The following ASRGL1 variants were observed in gnomAD, a reference collection of about 807,000 sequenced individuals.
The protein encoded by ASRGL1 is isoaspartyl peptidase/L-asparaginase.
Under a neutral mutation model 22.4 loss-of-function variants are expected in ASRGL1, and 16 were observed. The observed-to-expected ratio is 0.71, with a 90% CI of 0.48 to 1.08. ASRGL1 has a LOEUF of 1.08. ASRGL1 is among the 50% of genes least tolerant of loss of function. The probability of loss-of-function intolerance (pLI) is 0.00; values close to 1 mark genes in which losing one functional copy is unlikely to be tolerated. For missense variants in ASRGL1, 412 were observed against 410.1 expected (o/e 1.00, Z -0.04); for synonymous variants, 165 against 159.3 (o/e 1.04, Z -0.27).
chr11:62,372,203 G>T, intron 4 of ASRGL1: 1 of 1,147,700 alleles, frequency 8.7e-7, no homozygotes, highest in Non-Finnish European at 1.3e-6. Flanking sequence ...ACTCACCGAG[G>T]GTCTCAGCCA....
chr11:62,357,668 T>C (rs1321738791), intron 4 of ASRGL1, among the ~76,000 whole-genome samples: 1 of 152,166 alleles, frequency 6.6e-6, no homozygotes, highest in Non-Finnish European at 1.5e-5. Context: ...TGTGATCTAG[T>C]GTACCTTATA....
rs114921158 is a variant in ASRGL1, at chr11:62,358,964, G to A, written c.491+1820G>A. ...AAGTATTATTTCCCTGTAGTGCTAG[G>A]TATCCATTTTCTTGCCTCTCTGCAT... On this transcript the variant is annotated intron_variant, in intron 4 of 6. Coordinates refer to ENST00000415229, the MANE Select transcript of ASRGL1 (RefSeq NM_001083926.2). Among the ~76,000 whole-genome samples, 530 of 152,248 alleles carry A rather than the reference G, an allele frequency of 3.5e-3. 4 individuals carry two copies. Among genetic ancestry groups the A allele is most frequent in the African/African-American group, 0.012 (504 of 41,546 alleles).
At chr11:62,367,710 G>A (rs112357011) in intron 4 of ASRGL1, among the ~76,000 whole-genome samples, 5 of 152,064 alleles carry the variant, frequency 3.3e-5, no homozygotes, top group East Asian at 3.9e-4. Context: ...TTGGGAGGCC[G>A]AGGTGGGTGG....
At chr11:62,355,641 A>G (rs1309543585) in intron 2 of ASRGL1, among the ~76,000 whole-genome samples, 6 of 109,206 alleles carry the variant, frequency 5.5e-5, no homozygotes, top group Admixed American at 2.1e-4. Context: ...TTTTTTTTTC[A>G]TTGATCATTC....
rs35068655 is a variant in ASRGL1 at position 62,383,913 on chromosome 11, CA to C, written c.492-5204del. Among the ~76,000 whole-genome samples, 452 of 122,208 alleles carry C rather than the reference CA, an allele frequency of 3.7e-3. 1 individual carries two copies. Among genetic ancestry groups the C allele is most frequent in the African/African-American group, 7.8e-3 (241 of 30,898 alleles). 80.2% of individuals were successfully genotyped at this position (122,208 alleles called of 152,430 possible). A position where few individuals can be genotyped will look rare whatever the true frequency, so the allele number is the denominator to read the frequency against. ...TGGGCGACAGGGCAAGAGTTGGTCT[CA>C]AAAAAAAAAAAAAAATCAGTACTCC... On this transcript the variant is annotated intron_variant, in intron 4 of 6. Transcript: ENST00000415229.
At chr11:62,342,390 A>G (rs1945887216) in intron 2 of ASRGL1, among the ~76,000 whole-genome samples, 1 of 152,230 alleles carries the variant, frequency 6.6e-6, no homozygotes, top group Non-Finnish European at 1.5e-5. Context: ...ATATTTAAGA[A>G]TGTTAGCACA....
chr11:62,362,521 T>TAAAATA lies in ASRGL1; in HGVS notation c.491+5377_491+5378insAAAATA, dbSNP rs1565161864. Among the ~76,000 whole-genome samples the TAAAATA allele has an allele frequency of 2.2e-3, 70 of 31,988 alleles. 2 individuals are homozygous for TAAAATA. Among genetic ancestry groups the TAAAATA allele is most frequent in the South Asian group, 0.011 (14 of 1,262 alleles). The allele number at this position is 31,988 out of a possible 152,430, so 21.0% of individuals were successfully genotyped here. A position where few individuals can be genotyped will look rare whatever the true frequency, so the allele number is the denominator to read the frequency against. ...ATATAAAATATATAACATATATTAT[T>TAAAATA]TATATAATATATATTATATAAAATA... On this transcript the variant is annotated intron_variant, in intron 4 of 6. Coordinates refer to ENST00000415229, the MANE Select transcript of ASRGL1 (RefSeq NM_001083926.2).
intron 4 of ASRGL1, among the ~76,000 whole-genome samples, chr11:62,388,447 A>G (rs1254287984): frequency 6.6e-6 from 1 of 152,046 alleles, no homozygotes; most frequent in Non-Finnish European, 1.5e-5. Context: ...CAGGCGTATC[A>G]CCTGAGCTCA....
At chr11:62,369,866 G>A (rs542306104) in intron 4 of ASRGL1, among the ~76,000 whole-genome samples, 3 of 152,242 alleles carry the variant, frequency 2.0e-5, no homozygotes, top group Admixed American at 6.5e-5. Flanking sequence ...AACTGGAAAC[G>A]ATGTTCTAAG....
intron 3 of ASRGL1, 40 bp downstream of exon 3, chr11:62,356,507 A>C: frequency 1.2e-6 from 2 of 1,603,058 alleles, no homozygotes; most frequent in Non-Finnish European, 1.7e-6. Flanking sequence ...ATGAATTGTT[A>C]TTGTTATACT....
chr11:62,373,790 G>A (rs771802740), intron 4 of ASRGL1, among the ~76,000 whole-genome samples: 2 of 152,244 alleles, frequency 1.3e-5, no homozygotes, highest in African/African-American at 2.4e-5. Context: ...AATCAGCTGT[G>A]TCCCCCCTGG....
At chr11:62,385,846 A>G (rs1456099144) in intron 4 of ASRGL1, among the ~76,000 whole-genome samples, 3 of 151,910 alleles carry the variant, frequency 2.0e-5, no homozygotes, top group Admixed American at 6.6e-5. Context: ...CATGGGCAAC[A>G]AGAGCAAAAC....
chr11:62,337,623 A>G (rs1945752853), intron 1 of ASRGL1, 49 bp downstream of exon 1: 1 of 182,992 alleles, frequency 5.5e-6, no homozygotes, highest in African/African-American at 2.4e-5. Context: ...CGGGAGGGCG[A>G]ATGAAATAAA....
chr11:62,362,137 C>A (rs991579434), intron 4 of ASRGL1, among the ~76,000 whole-genome samples: 1 of 151,930 alleles, frequency 6.6e-6, no homozygotes, highest in African/African-American at 2.4e-5. Flanking sequence ...GGATGCATGA[C>A]CTCCACTGTG....
intron 4 of ASRGL1, among the ~76,000 whole-genome samples, chr11:62,362,551 ACATATATTATT>A (rs1946471852): frequency 3.2e-4 from 4 of 12,504 alleles, no homozygotes; most frequent in Non-Finnish European, 3.4e-4. Context: ...AAAATATATA[ACATATATTATT>A]TATATAATAT....
At chr11:62,378,807 C>G (rs1489174460) in intron 4 of ASRGL1, among the ~76,000 whole-genome samples, 1 of 152,086 alleles carries the variant, frequency 6.6e-6, no homozygotes, top group Non-Finnish European at 1.5e-5. Flanking sequence ...TTGGTAGCGG[C>G]CACTGATTTA....
At position 62,362,706 on chromosome 11, in the gene ASRGL1, AAAATATATTATATG is replaced by A. The variant is rs1472452396; in HGVS notation, c.491+5563_491+5576del. Among the ~76,000 whole-genome samples the A allele has an allele frequency of 7.4e-4, 59 of 79,230 alleles. 1 individual carries two copies. The highest frequency in any genetic ancestry group is 2.8e-3 in the African/African-American group (56 of 20,036). 52.0% of individuals were successfully genotyped at this position (79,230 alleles called of 152,430 possible). ...ATAAAATATATATTATATATTATAT[AAAATATATTATATG>A]TTATATATAAAATATAATATATATT... is the stretch of plus-strand genomic sequence containing the variant. On this transcript the variant is annotated intron_variant, in intron 4 of 6. Coordinates refer to ENST00000415229, the MANE Select transcript of ASRGL1 (RefSeq NM_001083926.2).
At chr11:62,372,844 C>T (rs761578512) in intron 4 of ASRGL1, 13 of 1,602,718 alleles carry the variant, frequency 8.1e-6, no homozygotes, top group African/African-American at 1.3e-5. Flanking sequence ...GCCACCAACA[C>T]CTCCCATGAA....
intron 4 of ASRGL1, among the ~76,000 whole-genome samples, chr11:62,369,929 G>T (rs1169801207): frequency 1.3e-5 from 2 of 152,056 alleles, no homozygotes; most frequent in Admixed American, 1.3e-4. Context: ...TCATTAATTT[G>T]ATTTGCCAAT....
Sources: allele counts gnomAD v4.1 joint callset (sites outside exome capture counted in the v4.1 genomes callset), GRCh38; gene constraint gnomAD v4.1.1; transcripts MANE v1.5; gene names NCBI Gene and HGNC (gene_info 2026-07-23, HGNC 2026-07-21).